NFIB: variants seen among roughly 807,000 people sequenced by gnomAD.
NFIB encodes nuclear factor 1 B-type.
Under a neutral mutation model 61.5 loss-of-function variants are expected in NFIB, and 11 were observed. The ratio of observed to expected loss-of-function variants is 0.18; its 90% confidence interval spans 0.11 to 0.30. The LOEUF (loss-of-function observed/expected upper bound fraction) is 0.30, where lower values mean the gene tolerates loss of function less well. Among genes scored for constraint, NFIB ranks in the 10% least tolerant of loss-of-function variants. The pLI is 1.00. For missense variants in NFIB, 471 were observed against 608.9 expected (o/e 0.77, Z 2.38); for synonymous variants, 260 against 216.5 (o/e 1.20, Z -1.76).
intron 2 of NFIB, among the ~76,000 whole-genome samples, chr9:14,271,085 T>C (rs2057577785): frequency 6.6e-6 from 1 of 151,802 alleles, no homozygotes; most frequent in Non-Finnish European, 1.5e-5. Flanking sequence ...ACCATGGAGG[T>C]GGCTCATTAG....
chr9:14,476,295 T>A, the NFIB span, among the ~76,000 whole-genome samples: 2 of 152,004 alleles, frequency 1.3e-5, no homozygotes, highest in Non-Finnish European at 2.9e-5. Context: ...AACACTCAAT[T>A]TTAGTTTATC....
intron 10 of NFIB, among the ~76,000 whole-genome samples, chr9:14,097,992 G>A (rs749805104): frequency 2.3e-4 from 34 of 145,492 alleles, no homozygotes; most frequent in South Asian, 6.7e-4. Context: ...AGTAATAAAC[G>A]ACAATTTCTT....
chr9:14,315,498 G>T (rs1419342944), upstream of NFIB, among the ~76,000 whole-genome samples: 1 of 145,326 alleles, frequency 6.9e-6, no homozygotes, highest in African/African-American at 2.5e-5. Context: ...CTCCCTACCC[G>T]CCCGGGTGCA....
At chr9:14,432,320 G>C in the NFIB span, among the ~76,000 whole-genome samples, 303 of 152,310 alleles carry the variant, frequency 2.0e-3, 3 homozygotes, top group African/African-American at 6.9e-3. Context: ...AAGAAATATG[G>C]GGTGAGATGG....
At chr9:14,405,811 G>C in the NFIB span, among the ~76,000 whole-genome samples, 1 of 152,310 alleles carries the variant, frequency 6.6e-6, no homozygotes, top group African/African-American at 2.4e-5. Context: ...GCCCCGATGG[G>C]TTCAATACAG....
chr9:14,416,892 C>CTTTTTTTTTTTTTTTTT, the NFIB span, among the ~76,000 whole-genome samples: 8 of 126,936 alleles, frequency 6.3e-5, 1 homozygote, highest in African/African-American at 2.7e-4. Flanking sequence ...ACTATTTTTA[C>CTTTTTTTTTTTTTTTTT]TTTTTTTTTT....
chr9:14,385,464 C>T (rs907394859), intron 1 of NFIB, among the ~76,000 whole-genome samples: 2 of 152,170 alleles, frequency 1.3e-5, no homozygotes, highest in East Asian at 1.9e-4. Flanking sequence ...TATCTCTGCA[C>T]CTGGCATACC....
chr9:14,285,874 T>C (rs964157377), intron 2 of NFIB, among the ~76,000 whole-genome samples: 1 of 151,530 alleles, frequency 6.6e-6, no homozygotes, highest in African/African-American at 2.5e-5. Context: ...AGATTGGTAT[T>C]ATCTCCATTT....
intron 10 of NFIB, among the ~76,000 whole-genome samples, chr9:14,089,956 T>C (rs2033605490): frequency 6.6e-6 from 1 of 152,170 alleles, no homozygotes; most frequent in South Asian, 2.1e-4. Context: ...CAAGGGATTT[T>C]ATAATTAGAC....
At chr9:14,426,202 C>T in the NFIB span, among the ~76,000 whole-genome samples, 10 of 152,068 alleles carry the variant, frequency 6.6e-5, no homozygotes, top group East Asian at 5.8e-4. Flanking sequence ...AAAATCAGAG[C>T]GCTCTGTTCA....
At chr9:14,400,368 T>C (rs1336266890), upstream of NFIB, among the ~76,000 whole-genome samples, 3 of 152,176 alleles carry the variant, frequency 2.0e-5, no homozygotes, top group African/African-American at 7.2e-5. Flanking sequence ...AAGGGATATA[T>C]CCAAGGCTGA....
chr9:14,319,245 A>G (rs1004203346), intron 1 of NFIB, among the ~76,000 whole-genome samples: 4 of 152,044 alleles, frequency 2.6e-5, no homozygotes, highest in Admixed American at 2.0e-4. Context: ...CATATTTACA[A>G]GTTATAATAC....
chr9:14,515,017 C>T, the NFIB span, among the ~76,000 whole-genome samples: 1 of 152,160 alleles, frequency 6.6e-6, no homozygotes. Context: ...AGCTTTGAGT[C>T]ATCTGCCAGT....
chr9:14,409,810 C>T, the NFIB span, among the ~76,000 whole-genome samples: 1 of 152,154 alleles, frequency 6.6e-6, no homozygotes, highest in Non-Finnish European at 1.5e-5. Flanking sequence ...TAATTAATAT[C>T]TTCAGTCTGA....
chr9:14,112,849 A>G (rs2037580515), intron 10 of NFIB, 150 bp downstream of exon 10: 3 of 642,706 alleles, frequency 4.7e-6, no homozygotes, highest in Admixed American at 3.1e-5. Flanking sequence ...ACAAAGGATC[A>G]ATGAGAAAAA....
intron 4 of NFIB, among the ~76,000 whole-genome samples, chr9:14,150,581 GC>G (rs1261261908): frequency 6.6e-6 from 1 of 152,056 alleles, no homozygotes; most frequent in East Asian, 1.9e-4. Context: ...AGTTAAAAAT[GC>G]CTTGGAGGAA....
At chr9:14,179,839 T>A in intron 2 of NFIB, 59 bp from the exon 3 acceptor site, 1 of 1,562,394 alleles carries the variant, frequency 6.4e-7, no homozygotes, top group South Asian at 1.2e-5. Context: ...AATTTCACAA[T>A]CCTCAAAGGA....
chr9:14,314,074 G>T lies in NFIB; in HGVS notation c.-563C>A. On this transcript the variant is annotated 5_prime_UTR_variant, in exon 1 of 11. Transcript: ENST00000380953. ...AGCACTGCGGCAGGATCCCGGAGTG[G>T]TGATCGCAGGCGAAACTTTGCCGCG... 1 of 1,058,250 alleles carries T rather than the reference G, an allele frequency of 9.4e-7. No individual in the cohort carries two copies. The highest frequency in any genetic ancestry group is 1.1e-6 in the Non-Finnish European group (1 of 875,272). 65.6% of individuals were successfully genotyped at this position (1,058,250 alleles called of 1,614,324 possible).
chr9:14,154,837 A>C (rs915838151), intron 4 of NFIB, among the ~76,000 whole-genome samples: 17 of 152,200 alleles, frequency 1.1e-4, no homozygotes, highest in African/African-American at 3.9e-4. Flanking sequence ...TGATAGCGTG[A>C]AGATTCCTTT....
Sources: allele counts gnomAD v4.1 joint callset (sites outside exome capture counted in the v4.1 genomes callset), GRCh38; gene constraint gnomAD v4.1.1; transcripts MANE v1.5; gene names NCBI Gene and HGNC (gene_info 2026-07-23, HGNC 2026-07-21).